The following ILRUN variants were observed in gnomAD, a reference collection of about 807,000 sequenced individuals.
ILRUN encodes inflammation and lipid regulator with UBA-like and NBR1-like domains, also known as protein ILRUN.
In ILRUN, 3 loss-of-function variants were observed where a neutral mutation model predicts 33.8. That is an observed-to-expected ratio of 0.09 (90% CI 0.04 to 0.23). The LOEUF (loss-of-function observed/expected upper bound fraction) is 0.23, where lower values mean the gene tolerates loss of function less well. Among genes scored for constraint, ILRUN ranks in the 10% least tolerant of loss-of-function variants. The pLI, the probability that ILRUN is intolerant of heterozygous loss-of-function variation, is 1.00. For synonymous variants in ILRUN, 124 were observed against 138.9 expected (o/e 0.89, Z 0.75); for missense variants, 210 against 375.1 (o/e 0.56, Z 3.64).
At position 34,632,103 on chromosome 6, in the gene ILRUN, T is replaced by C. The variant is rs190143988; in HGVS notation, c.511+14498A>G. 8.6e-3 allele frequency among the ~76,000 whole-genome samples: 1,312 copies of C among 152,344 alleles called. 9 individuals are homozygous for C. The highest frequency in any genetic ancestry group is 0.024 in the Middle Eastern group (7 of 294). On this transcript the variant is annotated intron_variant, in intron 3 of 4. Coordinates refer to ENST00000374023, the MANE Select transcript of ILRUN (RefSeq NM_024294.4). ...TTTAAACAACAAAAAAGTTTTTTGC[T>C]TTTAATACATGGATTTTAAAAAACT...
intron 2 of ILRUN, among the ~76,000 whole-genome samples, chr6:34,650,782 C>T (rs1007051809): frequency 1.3e-5 from 2 of 152,046 alleles, no homozygotes; most frequent in Non-Finnish European, 2.9e-5. Context: ...CAGTGCGCAA[C>T]GTTCGCCTTC....
chr6:34,647,269 G>A (rs1424226643), intron 2 of ILRUN, among the ~76,000 whole-genome samples: 2 of 152,126 alleles, frequency 1.3e-5, no homozygotes, highest in African/African-American at 4.8e-5. Flanking sequence ...TAATTTCAAT[G>A]GTATTATTCT....
intron 3 of ILRUN, among the ~76,000 whole-genome samples, chr6:34,615,551 A>G (rs1231018496): frequency 6.6e-6 from 1 of 152,168 alleles, no homozygotes; most frequent in African/African-American, 2.4e-5. Context: ...AGCCGAGATC[A>G]TGCCACTACA....
chr6:34,682,251 GTTTTTTTTTTTTTTT>G (rs66948142), intron 1 of ILRUN, among the ~76,000 whole-genome samples: 1 of 51,072 alleles, frequency 2.0e-5, no homozygotes, highest in East Asian at 7.5e-4. Flanking sequence ...TGCAACCTCT[GTTTTTTTTTTTTTTT>G]TTTTTTTTTT....
At position 34,592,872 on chromosome 6, in the gene ILRUN, G is replaced by A. The variant is rs1561993820; in HGVS notation, c.862-2272C>T. On this transcript the variant is annotated intron_variant, in intron 4 of 4. Transcript: ENST00000374023. The surrounding 1 kb of genome is among the most constrained non-coding windows in gnomAD (Gnocchi z 4.0). ...AGGTCTCTGTGCAGGAAAAAAAAAT[G>A]CACAGCAAAAAGAAAACCTTGCTAG... Among the ~76,000 whole-genome samples the A allele has an allele frequency of 2.6e-5, 4 of 152,210 alleles. No individual in the cohort carries two copies. The South Asian group carries it at 8.3e-4, about 32-fold the overall frequency.
intron 3 of ILRUN, among the ~76,000 whole-genome samples, chr6:34,637,582 A>C (rs1329518663): frequency 1.3e-5 from 2 of 152,210 alleles, no homozygotes; most frequent in African/African-American, 2.4e-5. Flanking sequence ...GTTGAGGAGT[A>C]AGAAAATTAA....
chr6:34,610,539 A>G (rs1360843801), intron 3 of ILRUN, among the ~76,000 whole-genome samples: 1 of 152,148 alleles, frequency 6.6e-6, no homozygotes, highest in East Asian at 1.9e-4. Context: ...CTTTTTGACC[A>G]CCAATCTGAC....
intron 3 of ILRUN, among the ~76,000 whole-genome samples, chr6:34,635,271 T>C (rs1762334679): frequency 6.6e-6 from 1 of 152,144 alleles, no homozygotes; most frequent in African/African-American, 2.4e-5. Flanking sequence ...GGCTCACGTC[T>C]GTAATCCCAG....
intron 2 of ILRUN, among the ~76,000 whole-genome samples, chr6:34,654,056 C>T (rs142757246): frequency 8.4e-4 from 127 of 150,404 alleles, no homozygotes; most frequent in Admixed American, 2.6e-3. Context: ...AACAATTTCT[C>T]TGTCTCCCAT....
rs570635734 is a variant in ILRUN at position 34,667,096 on chromosome 6, G to GA, written c.159-12318dup. Among the ~76,000 whole-genome samples the GA allele has an allele frequency of 3.6e-3, 545 of 151,098 alleles. 2 individuals carry two copies. Among genetic ancestry groups the GA allele is most frequent in the African/African-American group, 9.0e-3 (371 of 41,186 alleles). ...AGAAAAAGATACTAAAAACTGAGAG[G>GA]AAAAAAAAATCTATCTATAGTTTAT... On this transcript the variant is annotated intron_variant, in intron 1 of 4. Coordinates refer to ENST00000374023, the MANE Select transcript of ILRUN (RefSeq NM_024294.4).
chr6:34,673,273 G>C (rs1246541102), intron 1 of ILRUN, among the ~76,000 whole-genome samples: 4 of 152,194 alleles, frequency 2.6e-5, no homozygotes, highest in Non-Finnish European at 5.9e-5. Context: ...CCAGGGGTGA[G>C]ATCTGTGCAG....
At chr6:34,658,164 C>T (rs1277302064) in intron 1 of ILRUN, among the ~76,000 whole-genome samples, 3 of 151,942 alleles carry the variant, frequency 2.0e-5, no homozygotes, top group African/African-American at 4.8e-5. Flanking sequence ...GCCTGGCCAA[C>T]GTGGTGAAAC....
chr6:34,599,891 A>G (rs1761473539), intron 4 of ILRUN, among the ~76,000 whole-genome samples: 1 of 152,206 alleles, frequency 6.6e-6, no homozygotes, highest in Non-Finnish European at 1.5e-5. Context: ...TCAGGCCAAG[A>G]ATCCTGGTGT....
At chr6:34,670,864 A>G (rs1332218262) in intron 1 of ILRUN, among the ~76,000 whole-genome samples, 1 of 149,786 alleles carries the variant, frequency 6.7e-6, no homozygotes, top group Non-Finnish European at 1.5e-5. Context: ...AAAAAAAAAG[A>G]AAAGAAAAAA....
chr6:34,682,501 G>A lies in ILRUN; in HGVS notation c.158+13945C>T, dbSNP rs544420267. Among the ~76,000 whole-genome samples the A allele has an allele frequency of 4.0e-5, 6 of 151,526 alleles. No individual in the cohort carries two copies. The South Asian group carries it at 8.4e-4, about 21-fold the overall frequency. On this transcript the variant is annotated intron_variant, in intron 1 of 4. Coordinates refer to ENST00000374023, the MANE Select transcript of ILRUN (RefSeq NM_024294.4). ...TCTCGATCTCCTGACCTCGTGATCT[G>A]CCCACCTCGGCCTCCCAAAGTACAG...
In ILRUN at chr6:34,696,696, C is replaced by G; in HGVS notation, c.-93G>C. 1 of 1,414,816 alleles carries G rather than the reference C, an allele frequency of 7.1e-7. No individual in the cohort carries two copies. The highest frequency in any genetic ancestry group is 1.3e-5 in the South Asian group (1 of 78,506). The allele number at this position is 1,414,816 out of a possible 1,614,324, so 87.6% of individuals were successfully genotyped here. ...GGACCTGGAGGGGGGCCGCTGCTAG[C>G]TAGCTTCGCGACCCCGCTCCTTTGA... On this transcript the variant is annotated 5_prime_UTR_variant, in exon 1 of 5. Coordinates refer to ENST00000374023, the MANE Select transcript of ILRUN (RefSeq NM_024294.4).
At chr6:34,603,630 T>C (rs1366973100) in intron 4 of ILRUN, among the ~76,000 whole-genome samples, 1 of 151,992 alleles carries the variant, frequency 6.6e-6, no homozygotes, top group Non-Finnish European at 1.5e-5. Context: ...TGAGACTCTA[T>C]CTCAAAAAAA....
At chr6:34,680,073 C>T (rs1159808608) in intron 1 of ILRUN, among the ~76,000 whole-genome samples, 1 of 152,250 alleles carries the variant, frequency 6.6e-6, no homozygotes, top group East Asian at 1.9e-4. Context: ...CACTAGGAAA[C>T]TTATACAATG....
chr6:34,648,457 GT>G (rs999704253), intron 2 of ILRUN, among the ~76,000 whole-genome samples: 2 of 152,194 alleles, frequency 1.3e-5, no homozygotes, highest in African/African-American at 4.8e-5. Flanking sequence ...GTCTTAAGGG[GT>G]AGCAGCTAAA....
Sources: gnomAD v4.1 joint callset for allele counts (sites outside exome capture counted in the v4.1 genomes callset) on GRCh38, gnomAD v4.1.1 for gene constraint, Gnocchi (gnomAD v3.1) non-coding constraint, MANE v1.5 for transcripts, NCBI Gene and HGNC (gene_info 2026-07-23, HGNC 2026-07-21) for gene names.